The following RBFOX1 variants were observed in gnomAD, a reference collection of about 807,000 sequenced individuals.
RBFOX1 encodes the protein RNA binding fox-1 homolog 1, also known as RNA binding protein fox-1 homolog 1.
A neutral mutation model predicts 57.7 loss-of-function variants in RBFOX1; 8 were observed. The ratio of observed to expected loss-of-function variants is 0.14; its 90% CI spans 0.08 to 0.25. The LOEUF is 0.25. RBFOX1 is among the 10% of genes least tolerant of loss of function. The pLI is 1.00. For missense variants in RBFOX1, 611 were observed against 548.5 expected, an observed-to-expected ratio of 1.11 and a Z score of -1.14; for synonymous variants, 326 against 222.4, an observed-to-expected ratio of 1.47 and a Z score of -4.15.
At chr16:7,273,675 CT>C in intron 4 of RBFOX1, among the ~76,000 whole-genome samples, 1 of 152,302 alleles carries the variant, frequency 6.6e-6, no homozygotes, top group African/African-American at 2.4e-5. Context: ...AAGCTCTATT[CT>C]GATGAAAGAT....
At chr16:7,535,607 T>C (rs1399218050) in intron 5 of RBFOX1, among the ~76,000 whole-genome samples, 3 of 152,210 alleles carry the variant, frequency 2.0e-5, no homozygotes, top group East Asian at 1.9e-4. Flanking sequence ...GTAAACTCTT[T>C]CCTGACACCA....
chr16:5,274,010 A>T (rs2151130765), intron 1 of RBFOX1, among the ~76,000 whole-genome samples: 1 of 152,320 alleles, frequency 6.6e-6, no homozygotes, highest in Middle Eastern at 3.4e-3. Flanking sequence ...GCTGGAGGAA[A>T]ATGTATTCCC....
chr16:7,054,233 CTT>C (rs34402387), intron 4 of RBFOX1, among the ~76,000 whole-genome samples: 1 of 5,124 alleles, frequency 2.0e-4, no homozygotes, highest in African/African-American at 1.1e-3. Flanking sequence ...GGGCGGGGAG[CTT>C]TTTTTTTTTT....
In RBFOX1 at chr16:7,151,567, T is replaced by C. The variant is rs1448861291; in HGVS notation, c.27+99469T>C. Among the ~76,000 whole-genome samples, 4 of 152,190 alleles carry C rather than the reference T, an allele frequency of 2.6e-5. No individual in the cohort carries two copies. In the East Asian group the frequency reaches 7.7e-4, roughly 29 times the overall value. ...TTTTTGGCATTAGGGACTGGTTTCATGGAAGACAATTTTTTCCAGGGATGG... is the reference window on the plus strand; with the variant it reads ...TTTTTGGCATTAGGGACTGGTTTCACGGAAGACAATTTTTTCCAGGGATGG... On this transcript the variant is annotated intron_variant, in intron 4 of 15. Transcript: ENST00000550418.
At chr16:7,704,182 G>T (rs1024101603) in intron 14 of RBFOX1, among the ~76,000 whole-genome samples, 1 of 152,162 alleles carries the variant, frequency 6.6e-6, no homozygotes, top group African/African-American at 2.4e-5. Flanking sequence ...CCCAAGTCCT[G>T]AATCTCCAAG....
intron 3 of RBFOX1, among the ~76,000 whole-genome samples, chr16:6,957,841 C>T (rs997773581): frequency 6.6e-6 from 1 of 152,138 alleles, no homozygotes; most frequent in South Asian, 2.1e-4. Context: ...TGTAGTTAGC[C>T]TGGACTTCCT....
At chr16:6,608,737 A>G (rs1037398024) in intron 2 of RBFOX1, among the ~76,000 whole-genome samples, 1 of 152,224 alleles carries the variant, frequency 6.6e-6, no homozygotes, top group African/African-American at 2.4e-5. Flanking sequence ...GTACCACTGC[A>G]TTCTAACCTG....
At chr16:7,186,994 C>CAAAAAAAAAAAA (rs35177784) in intron 4 of RBFOX1, among the ~76,000 whole-genome samples, 4 of 69,290 alleles carry the variant, frequency 5.8e-5, no homozygotes, top group African/African-American at 2.6e-4. Flanking sequence ...CCCACCTCCA[C>CAAAAAAAAAAAA]AAAAAAAAAA....
At chr16:7,008,117 C>G (rs992969676) in intron 3 of RBFOX1, among the ~76,000 whole-genome samples, 9 of 152,104 alleles carry the variant, frequency 5.9e-5, no homozygotes, top group Admixed American at 4.6e-4. Context: ...GTTTCATGTA[C>G]AAGTTCTCAC....
intron 3 of RBFOX1, among the ~76,000 whole-genome samples, chr16:6,836,502 C>G (rs1298568814): frequency 1.3e-5 from 2 of 152,188 alleles, no homozygotes; most frequent in Non-Finnish European, 2.9e-5. Flanking sequence ...TTCAAACCTT[C>G]CTTCTACGTG....
intron 3 of RBFOX1, among the ~76,000 whole-genome samples, chr16:7,034,841 C>CTTTCTTTTTTTTTT (rs2043856073): frequency 2.8e-4 from 11 of 39,166 alleles, no homozygotes; most frequent in Non-Finnish European, 4.0e-4. Context: ...TTTTTTTTTT[C>CTTTCTTTTTTTTTT]TTTTTTCTTT....
chr16:6,719,668 G>A (rs995973246), intron 3 of RBFOX1, among the ~76,000 whole-genome samples: 1 of 150,868 alleles, frequency 6.6e-6, no homozygotes, highest in African/African-American at 2.4e-5. Flanking sequence ...GGATGGTCTT[G>A]ATCTCCTGAC....
intron 2 of RBFOX1, among the ~76,000 whole-genome samples, chr16:6,330,035 C>T (rs1288933135): frequency 6.6e-6 from 1 of 152,162 alleles, no homozygotes; most frequent in Non-Finnish European, 1.5e-5. Context: ...TACTGTGTAG[C>T]TTTCCTTCAT....
intron 3 of RBFOX1, among the ~76,000 whole-genome samples, chr16:7,045,857 C>T (rs1041272690): frequency 2.6e-5 from 4 of 152,024 alleles, no homozygotes; most frequent in African/African-American, 9.7e-5. Context: ...AGAGTTTTAC[C>T]ATGTTGGCCA....
At chr16:7,672,726 G>C (rs1189675525) in intron 13 of RBFOX1, among the ~76,000 whole-genome samples, 1 of 151,724 alleles carries the variant, frequency 6.6e-6, no homozygotes, top group Non-Finnish European at 1.5e-5. Flanking sequence ...AGTTAGCCAG[G>C]CGTGGTGGCA....
chr16:6,554,811 C>G (rs74005280), intron 2 of RBFOX1, among the ~76,000 whole-genome samples: 3 of 130,702 alleles, frequency 2.3e-5, no homozygotes, highest in African/African-American at 7.8e-5. Flanking sequence ...CAGATAAACA[C>G]ACAGACACAC....
intron 12 of RBFOX1, among the ~76,000 whole-genome samples, chr16:7,663,406 CT>C (rs2068293449): frequency 6.6e-6 from 1 of 152,140 alleles, no homozygotes; most frequent in Non-Finnish European, 1.5e-5. Context: ...GACAATGGTA[CT>C]TGGAGTTTAG....
intron 4 of RBFOX1, among the ~76,000 whole-genome samples, chr16:7,478,308 T>C (rs541390990): frequency 1.1e-4 from 17 of 152,230 alleles, no homozygotes; most frequent in African/African-American, 2.9e-4. Context: ...CTTGTTCAAA[T>C]AGCTAAAAGG....
intron 3 of RBFOX1, among the ~76,000 whole-genome samples, chr16:7,008,333 G>C (rs2093419121): frequency 6.6e-6 from 1 of 152,070 alleles, no homozygotes. Context: ...CCTGAGGCCA[G>C]GAGTTTGAGA....
Sources: gnomAD v4.1 joint callset for allele counts (sites outside exome capture counted in the v4.1 genomes callset) on GRCh38, gnomAD v4.1.1 for gene constraint, MANE v1.5 for transcripts, NCBI Gene and HGNC (gene_info 2026-07-23, HGNC 2026-07-21) for gene names.